Variants in CROT observed in about 807,000 individuals in gnomAD.
CROT encodes peroxisomal carnitine O-octanoyltransferase.
A neutral mutation model predicts 89.2 loss-of-function variants in CROT; 84 were observed. The observed-to-expected ratio is 0.94, with a 90% confidence interval of 0.79 to 1.13. The LOEUF (loss-of-function observed/expected upper bound fraction) is 1.13, where lower values mean the gene tolerates loss of function less well. Among genes scored for constraint, CROT ranks in the 50% most tolerant of loss-of-function variants. The pLI, the probability that CROT is intolerant of heterozygous loss-of-function variation, is 0.00. For missense variants in CROT, 711 were observed against 727.8 expected (o/e 0.98, Z 0.27); for synonymous variants, 212 against 239.5 (o/e 0.89, Z 1.06).
intron 14 of CROT, among the ~76,000 whole-genome samples, chr7:87,392,202 C>T: frequency 6.6e-6 from 1 of 152,166 alleles, no homozygotes; most frequent in South Asian, 2.1e-4. Context: ...TTTAGTTTTG[C>T]TAGATGTGGT....
chr7:87,346,120 T>C (rs11973893), intron 1 of CROT, among the ~76,000 whole-genome samples: 7,713 of 152,266 alleles, frequency 0.051, 469 homozygotes, highest in African/African-American at 0.14. Flanking sequence ...TGAACCCGTC[T>C]AATGGAAGGT....
chr7:87,396,695 A>AG lies in CROT; in HGVS notation c.1719-1829_1719-1828insG, dbSNP rs763881571. Among the ~76,000 whole-genome samples the AG allele has an allele frequency of 2.2e-3, 332 of 151,848 alleles. 1 individual carries two copies. Among genetic ancestry groups the AG allele is most frequent in the Non-Finnish European group, 3.4e-3 (234 of 67,902 alleles). On this transcript the variant is annotated intron_variant, in intron 17 of 17. Transcript: ENST00000331536. ...AATGTATTACATGCTGATTGTAAAA[A>AG]AAAAAAAGTTGTTAAATATAAAAAC...
chr7:87,352,592 G>A (rs1295443108), intron 3 of CROT, among the ~76,000 whole-genome samples: 1 of 152,150 alleles, frequency 6.6e-6, no homozygotes. Flanking sequence ...AGCTATAGAG[G>A]CAGTTTGCCT....
chr7:87,382,672 G>T, intron 13 of CROT, 129 bp downstream of exon 13: 1 of 859,826 alleles, frequency 1.2e-6, no homozygotes, highest in Non-Finnish European at 1.8e-6. Flanking sequence ...TGTCCTATTT[G>T]TACTTCCATC....
rs114496966 is a variant in CROT at position 87,376,368 on chromosome 7, C to T, written c.876+415C>T. On this transcript the variant is annotated intron_variant, in intron 9 of 17. Coordinates refer to ENST00000331536, the MANE Select transcript of CROT (RefSeq NM_021151.4). ...GGACTGTGTCTCCTAAGAATTATGT[C>T]ACCCTTGTAAGTCATTTATTTTATC... Among the ~76,000 whole-genome samples the T allele has an allele frequency of 5.3e-3, 799 of 152,130 alleles. 3 individuals carry two copies. Among genetic ancestry groups the T allele is most frequent in the African/African-American group, 0.019 (773 of 41,518 alleles).
chr7:87,374,558 GGA>G (rs1371304101), intron 7 of CROT, among the ~76,000 whole-genome samples: 1 of 151,952 alleles, frequency 6.6e-6, no homozygotes, highest in Non-Finnish European at 1.5e-5. Flanking sequence ...ACTTATAATT[GGA>G]GCAAAATCAG....
At chr7:87,383,768 A>T (rs1807100814) in intron 13 of CROT, among the ~76,000 whole-genome samples, 1 of 152,082 alleles carries the variant, frequency 6.6e-6, no homozygotes, top group Non-Finnish European at 1.5e-5. Context: ...AAGTGCTGGG[A>T]TTAGAGGTGT....
At chr7:87,392,516 T>C (rs1248067133) in intron 14 of CROT, 50 bp from the exon 15 acceptor site, 1 of 1,419,254 alleles carries the variant, frequency 7.0e-7, no homozygotes, top group Admixed American at 1.9e-5. Context: ...TTTTTTCTAG[T>C]TGGGTTTTGC....
At position 87,398,606 on chromosome 7, in the gene CROT, CATG is replaced by C; in HGVS notation, c.1804_1806del (p.Asp602del). 3.1e-6 allele frequency: 5 copies of C among 1,613,632 alleles called. No individual in the cohort carries two copies. The highest frequency in any genetic ancestry group is 2.2e-5 in the East Asian group (1 of 44,838). Reference sequence around the variant, plus strand: ...AGTTCAGCTGACTTTTTGTGCTTTTCATGATATGATACAGCTGATGAACTCTAC... The same window carrying C: ...AGTTCAGCTGACTTTTTGTGCTTTTCATATGATACAGCTGATGAACTCTAC... On this transcript the variant is annotated inframe_deletion, in exon 18 of 18. Coordinates refer to ENST00000331536, the MANE Select transcript of CROT (RefSeq NM_021151.4).
chr7:87,362,445 C>T (rs963845924), intron 6 of CROT, among the ~76,000 whole-genome samples: 2 of 151,922 alleles, frequency 1.3e-5, no homozygotes, highest in Non-Finnish European at 2.9e-5. Context: ...TATAGGCAGG[C>T]ACTGCCATAC....
chr7:87,394,724 C>T (rs1807469804), intron 17 of CROT, among the ~76,000 whole-genome samples: 5 of 151,832 alleles, frequency 3.3e-5, no homozygotes, highest in Admixed American at 1.3e-4. Flanking sequence ...AAAAGGCATA[C>T]CTATAGACTC....
chr7:87,367,540 G>T (rs1806484761), intron 6 of CROT, among the ~76,000 whole-genome samples: 1 of 152,120 alleles, frequency 6.6e-6, no homozygotes, highest in South Asian at 2.1e-4. Context: ...AAAATATACT[G>T]ATTCAAATAT....
chr7:87,349,319 C>T (rs540500046), intron 3 of CROT, 136 bp downstream of exon 3: 220 of 463,232 alleles, frequency 4.7e-4, no homozygotes, highest in African/African-American at 4.1e-3. Flanking sequence ...GGAAGGAATT[C>T]AAGGTGAGTT....
intron 4 of CROT, chr7:87,359,842 T>C (rs1204493414): frequency 8.1e-6 from 8 of 985,110 alleles, no homozygotes; most frequent in Non-Finnish European, 9.6e-6. Flanking sequence ...GTCTCAATAA[T>C]TTTCCACAAA....
intron 17 of CROT, among the ~76,000 whole-genome samples, chr7:87,395,406 C>A (rs1307324443): frequency 1.3e-5 from 2 of 152,200 alleles, no homozygotes; most frequent in Non-Finnish European, 2.9e-5. Context: ...CTCAGACACA[C>A]CCAGGATCAA....
intron 5 of CROT, 57 bp from the exon 6 acceptor site, chr7:87,361,671 T>C (rs1562929830): frequency 1.4e-5 from 21 of 1,539,830 alleles, no homozygotes; most frequent in Non-Finnish European, 1.8e-5. Context: ...ACACTTCAGT[T>C]GTGGCTGGTT....
intron 6 of CROT, among the ~76,000 whole-genome samples, chr7:87,366,493 T>G (rs1806452728): frequency 6.6e-6 from 1 of 152,196 alleles, no homozygotes; most frequent in Non-Finnish European, 1.5e-5. Context: ...GTCATATTCT[T>G]GATGATTTTA....
intron 6 of CROT, among the ~76,000 whole-genome samples, chr7:87,368,216 C>T (rs897075123): frequency 3.9e-5 from 6 of 152,192 alleles, no homozygotes; most frequent in Non-Finnish European, 8.8e-5. Context: ...CTTTCTCACT[C>T]CATTCAGTTT....
At chr7:87,389,628 G>C (rs539642681) in intron 13 of CROT, among the ~76,000 whole-genome samples, 1 of 151,794 alleles carries the variant, frequency 6.6e-6, no homozygotes, top group Non-Finnish European at 1.5e-5. Context: ...GTCATGGGGT[G>C]GGGGGCTAGG....
Sources: allele counts gnomAD v4.1 joint callset (sites outside exome capture counted in the v4.1 genomes callset), GRCh38; gene constraint gnomAD v4.1.1; transcripts MANE v1.5; gene names NCBI Gene and HGNC (gene_info 2026-07-23, HGNC 2026-07-21).